The following HEMK2 variants were observed in gnomAD, a reference collection of about 807,000 sequenced individuals.
The protein encoded by HEMK2 is methyltransferase HEMK2.
the HEMK2 span, among the ~76,000 whole-genome samples, chr21:28,869,726 T>C: frequency 6.6e-6 from 1 of 152,222 alleles, no homozygotes; most frequent in Non-Finnish European, 1.5e-5. Context: ...CTAAATGGAA[T>C]AGAACACTTT....
At chr21:28,708,764 C>T in the HEMK2 span, among the ~76,000 whole-genome samples, 1 of 152,170 alleles carries the variant, frequency 6.6e-6, no homozygotes, top group African/African-American at 2.4e-5. Context: ...CTGTGAGCAA[C>T]TGTGACCTCT....
the HEMK2 span, chr21:28,873,743 G>A: frequency 6.6e-6 from 1 of 152,202 alleles, no homozygotes; most frequent in South Asian, 2.1e-4. Flanking sequence ...TAACTCATTT[G>A]TCTATTGAGT....
the HEMK2 span, among the ~76,000 whole-genome samples, chr21:28,690,796 A>T: frequency 6.6e-6 from 1 of 152,166 alleles, no homozygotes; most frequent in Non-Finnish European, 1.5e-5. Flanking sequence ...TTAGAAATCA[A>T]CACGTCTGTT....
the HEMK2 span, among the ~76,000 whole-genome samples, chr21:28,764,071 A>G: frequency 6.6e-6 from 1 of 152,030 alleles, no homozygotes; most frequent in African/African-American, 2.4e-5. Flanking sequence ...ACTCTTTAAT[A>G]GTTTTCTCTT....
chr21:28,750,813 CACAAAAATG>C, the HEMK2 span, among the ~76,000 whole-genome samples: 3 of 151,734 alleles, frequency 2.0e-5, no homozygotes, highest in African/African-American at 7.3e-5. Context: ...TTCAGTCTTT[CACAAAAATG>C]AAAGAAAGAA....
chr21:28,706,366 T>A, the HEMK2 span, among the ~76,000 whole-genome samples: 3 of 152,246 alleles, frequency 2.0e-5, no homozygotes, highest in Non-Finnish European at 4.4e-5. Flanking sequence ...AGTTATATTT[T>A]CTGAGAAATT....
At chr21:28,883,839 T>A in the HEMK2 span, among the ~76,000 whole-genome samples, 1 of 152,152 alleles carries the variant, frequency 6.6e-6, no homozygotes, top group African/African-American at 2.4e-5. Context: ...TCCTCCCACC[T>A]CAGCCTCCCA....
chr21:28,680,683 C>T, the HEMK2 span, among the ~76,000 whole-genome samples: 4 of 152,202 alleles, frequency 2.6e-5, no homozygotes, highest in East Asian at 1.9e-4. Flanking sequence ...TCCAGCAGCA[C>T]ATCAAAAAGC....
chr21:28,831,558 G>GGAAAGAAGGAAAGAAA, the HEMK2 span, among the ~76,000 whole-genome samples: 1 of 68,726 alleles, frequency 1.5e-5, no homozygotes, highest in Non-Finnish European at 2.6e-5. Context: ...AAGGAAAGAA[G>GGAAAGAAGGAAAGAAA]GAAAGAAGGA....
chr21:28,815,408 A>C, the HEMK2 span, among the ~76,000 whole-genome samples: 14 of 152,070 alleles, frequency 9.2e-5, no homozygotes, highest in Non-Finnish European at 4.4e-5. Flanking sequence ...AAGATAGGGA[A>C]GGGTCTGAAG....
the HEMK2 span, among the ~76,000 whole-genome samples, chr21:28,833,479 C>A: frequency 7.9e-5 from 12 of 152,208 alleles, no homozygotes; most frequent in Non-Finnish European, 1.5e-4. Context: ...TTCTCAATGA[C>A]TCTAAGAACA....
the HEMK2 span, among the ~76,000 whole-genome samples, chr21:28,625,903 A>G: frequency 6.6e-6 from 1 of 152,204 alleles, no homozygotes; most frequent in Non-Finnish European, 1.5e-5. Flanking sequence ...ATCCTGTAAA[A>G]GAAAGGATTT....
chr21:28,622,828 T>C, the HEMK2 span, among the ~76,000 whole-genome samples: 5 of 152,060 alleles, frequency 3.3e-5, no homozygotes, highest in South Asian at 1.0e-3. Flanking sequence ...TATACAAAAA[T>C]TAACTCAAGA....
chr21:28,836,428 C>T, the HEMK2 span, among the ~76,000 whole-genome samples: 5 of 151,876 alleles, frequency 3.3e-5, no homozygotes, highest in South Asian at 1.0e-3. Context: ...TTTAGACAAA[C>T]AAATGCTAAG....
At chr21:28,774,127 C>G in the HEMK2 span, among the ~76,000 whole-genome samples, 2 of 152,108 alleles carry the variant, frequency 1.3e-5, no homozygotes, top group African/African-American at 4.8e-5. Flanking sequence ...GTTATCTTAT[C>G]TTCAAAATAA....
At chr21:28,615,254 T>C in the HEMK2 span, among the ~76,000 whole-genome samples, 2 of 152,142 alleles carry the variant, frequency 1.3e-5, no homozygotes, top group Admixed American at 1.3e-4. Context: ...AAGAAAGGAA[T>C]AAGAAAGAAA....
chr21:28,692,877 G>C, the HEMK2 span, among the ~76,000 whole-genome samples: 1 of 152,124 alleles, frequency 6.6e-6, no homozygotes, highest in Non-Finnish European at 1.5e-5. Context: ...ATTATACTAA[G>C]TCAAAGAAGC....
the HEMK2 span, among the ~76,000 whole-genome samples, chr21:28,630,379 C>T: frequency 8.5e-5 from 13 of 152,246 alleles, no homozygotes; most frequent in African/African-American, 3.1e-4. Flanking sequence ...GGCATTTCCT[C>T]AGGGATCTAG....
chr21:28,604,323 G>C, the HEMK2 span, among the ~76,000 whole-genome samples: 1 of 152,146 alleles, frequency 6.6e-6, no homozygotes, highest in Non-Finnish European at 1.5e-5. Flanking sequence ...ATGACGAGTT[G>C]ATAGGTGCAG....
Sources: allele counts gnomAD v4.1 joint callset (sites outside exome capture counted in the v4.1 genomes callset), GRCh38; gene constraint gnomAD v4.1.1; transcripts MANE v1.5; gene names NCBI Gene and HGNC (gene_info 2026-07-23, HGNC 2026-07-21).